CELF2: variants seen among roughly 807,000 people sequenced by gnomAD.
The protein encoded by CELF2 is CUG triplet repeat RNA-binding protein 2.
A neutral mutation model predicts 62.6 loss-of-function variants in CELF2; 8 were observed. The ratio of observed to expected loss-of-function variants is 0.13; its 90% CI spans 0.07 to 0.23. The LOEUF is 0.23. Among genes scored for constraint, CELF2 ranks in the 10% least tolerant of loss-of-function variants. The pLI is 1.00. For synonymous variants in CELF2, 258 were observed against 250.0 expected (o/e 1.03, Z -0.30); for missense variants, 333 against 671.0 (o/e 0.50, Z 5.56).
intron 1 of CELF2, among the ~76,000 whole-genome samples, chr10:10,830,556 C>A (rs2057766237): frequency 6.6e-6 from 1 of 152,052 alleles, no homozygotes; most frequent in Admixed American, 6.5e-5. Context: ...TAATAACTTA[C>A]AATTCACTCC....
chr10:11,294,478 A>G (rs982452407), intron 9 of CELF2, among the ~76,000 whole-genome samples: 1 of 152,092 alleles, frequency 6.6e-6, no homozygotes, highest in Non-Finnish European at 1.5e-5. Flanking sequence ...TTCTTCTTAC[A>G]CCCATCTTTT....
the CELF2 span, among the ~76,000 whole-genome samples, chr10:10,762,288 A>G: frequency 6.6e-6 from 1 of 152,076 alleles, no homozygotes; most frequent in African/African-American, 2.4e-5. Flanking sequence ...CACTCTGGGA[A>G]ATGTAAGGAG....
chr10:11,042,651 C>T (rs2062043842), intron 1 of CELF2, among the ~76,000 whole-genome samples: 1 of 152,162 alleles, frequency 6.6e-6, no homozygotes, highest in Non-Finnish European at 1.5e-5. Context: ...AATTTCATCA[C>T]CCAAAAAAGA....
At chr10:10,773,804 C>G in the CELF2 span, among the ~76,000 whole-genome samples, 5 of 152,282 alleles carry the variant, frequency 3.3e-5, no homozygotes, top group East Asian at 5.8e-4. Flanking sequence ...GTTCTCCCTC[C>G]TCTTCCTTCT....
chr10:10,580,208 A>C, the CELF2 span, among the ~76,000 whole-genome samples: 1 of 152,182 alleles, frequency 6.6e-6, no homozygotes, highest in African/African-American at 2.4e-5. Context: ...CTCCTGGATT[A>C]ATTAAGGTGG....
the CELF2 span, among the ~76,000 whole-genome samples, chr10:10,532,347 T>C: frequency 1.3e-5 from 2 of 152,210 alleles, no homozygotes; most frequent in African/African-American, 4.8e-5. Flanking sequence ...GGGATGATGA[T>C]TGACAGGGAG....
chr10:10,805,607 G>A (rs147874856), intron 1 of CELF2, among the ~76,000 whole-genome samples: 2 of 152,236 alleles, frequency 1.3e-5, no homozygotes, highest in Non-Finnish European at 2.9e-5. Flanking sequence ...TAGAAACTAT[G>A]TCAGTGTTTG....
the CELF2 span, among the ~76,000 whole-genome samples, chr10:10,747,940 C>T: frequency 6.6e-6 from 1 of 152,086 alleles, no homozygotes; most frequent in African/African-American, 2.4e-5. Flanking sequence ...CTGTGCCCAG[C>T]CGGGTTTACA....
chr10:10,548,840 G>A, the CELF2 span, among the ~76,000 whole-genome samples: 1 of 152,150 alleles, frequency 6.6e-6, no homozygotes, highest in South Asian at 2.1e-4. Context: ...GCAATACATA[G>A]CAATGTGTGG....
At chr10:11,142,249 G>A (rs977844592) in intron 1 of CELF2, among the ~76,000 whole-genome samples, 1 of 152,244 alleles carries the variant, frequency 6.6e-6, no homozygotes, top group African/African-American at 2.4e-5. Flanking sequence ...CTAGGGCGCA[G>A]AAGTGAATGA....
rs35018494 is a variant in CELF2, at chr10:11,323,921, C to CT, written c.1295-1902dup. On this transcript the variant is annotated intron_variant, in intron 11 of 12. Transcript: ENST00000633077. ...ACAAGGGAGGTTTTCCATATGAAATCTTTTTTTTTTTTTCATTTTAATATT... is the reference window on the plus strand; with the variant it reads ...ACAAGGGAGGTTTTCCATATGAAATCTTTTTTTTTTTTTTCATTTTAATATT... Among the ~76,000 whole-genome samples the CT allele has an allele frequency of 1.5e-3, 221 of 146,206 alleles. 1 individual carries two copies. Among genetic ancestry groups the CT allele is most frequent in the South Asian group, 0.011 (49 of 4,634 alleles).
the CELF2 span, among the ~76,000 whole-genome samples, chr10:10,528,063 A>T: frequency 6.6e-6 from 1 of 152,214 alleles, no homozygotes; most frequent in African/African-American, 2.4e-5. Context: ...GCAGATGTCT[A>T]ACTCATCCTG....
the CELF2 span, among the ~76,000 whole-genome samples, chr10:10,496,327 C>T: frequency 2.6e-5 from 4 of 152,202 alleles, no homozygotes; most frequent in Non-Finnish European, 5.9e-5. Flanking sequence ...CTCGTATCTA[C>T]CATAAACACC....
intron 1 of CELF2, among the ~76,000 whole-genome samples, chr10:10,879,792 A>G (rs2061338183): frequency 6.6e-6 from 1 of 152,174 alleles, no homozygotes; most frequent in African/African-American, 2.4e-5. Flanking sequence ...CTTGGGTGGA[A>G]TAACTCCAGT....
At chr10:10,578,680 C>G in the CELF2 span, among the ~76,000 whole-genome samples, 2 of 152,232 alleles carry the variant, frequency 1.3e-5, no homozygotes, top group East Asian at 3.9e-4. Flanking sequence ...CTTACCCAAA[C>G]CTGCATTTCT....
rs61243512 is a variant in CELF2, at chr10:11,065,700, A to ACC, written c.74+47542_74+47543dup. ...TCAGTGAACAAGACAGACAAACCCC[A>ACC]CCCCCCGCCATTGCTGAGTGTGCAC... is the stretch of plus-strand genomic sequence containing the variant. On this transcript the variant is annotated intron_variant, in intron 1 of 12. Coordinates refer to ENST00000633077, the MANE Select transcript of CELF2 (RefSeq NM_001326342.2). Among the ~76,000 whole-genome samples the ACC allele has an allele frequency of 1.6e-3, 243 of 151,950 alleles. 6 individuals carry two copies. The highest frequency in any genetic ancestry group is 0.013 in the Admixed American group (205 of 15,272).
At chr10:11,257,907 G>A (rs1162375579) in intron 5 of CELF2, 35 bp downstream of exon 5, 5 of 1,610,270 alleles carry the variant, frequency 3.1e-6, no homozygotes, top group Admixed American at 3.3e-5. Flanking sequence ...CTCCCCTTCA[G>A]TGCTAATTGG....
At chr10:10,795,228 T>C (rs779487320), upstream of CELF2, among the ~76,000 whole-genome samples, 61 of 147,764 alleles carry the variant, frequency 4.1e-4, no homozygotes, top group Non-Finnish European at 7.3e-4. Context: ...TGTTGCATTA[T>C]ATGGATTCAA....
intron 1 of CELF2, among the ~76,000 whole-genome samples, chr10:11,041,048 G>C (rs1170109688): frequency 3.3e-5 from 5 of 152,222 alleles, no homozygotes; most frequent in Admixed American, 6.5e-5. Flanking sequence ...CAACATCAAG[G>C]TGCTGACACA....
Sources: gnomAD v4.1 joint callset for allele counts (sites outside exome capture counted in the v4.1 genomes callset) on GRCh38, gnomAD v4.1.1 for gene constraint, MANE v1.5 for transcripts, NCBI Gene and HGNC (gene_info 2026-07-23, HGNC 2026-07-21) for gene names.